The following FCN1 variants were observed in gnomAD, a reference collection of about 807,000 sequenced individuals.
The protein encoded by FCN1 is ficolin 1.
FCN1 carries 42 observed loss-of-function variants against 35.6 expected under a neutral mutation model. That is an observed-to-expected ratio of 1.18 (90% CI 0.92 to 1.53). The LOEUF (loss-of-function observed/expected upper bound fraction) is 1.53. Among genes scored for constraint, FCN1 ranks in the 40% most tolerant of loss-of-function variants. FCN1 has a pLI of 0.00. For missense variants in FCN1, 439 were observed against 428.4 expected, an observed-to-expected ratio of 1.02 and a Z score of -0.22; for synonymous variants, 179 against 169.8, an observed-to-expected ratio of 1.05 and a Z score of -0.42.
rs929538263 is a variant in FCN1, at chr9:134,909,114, T to A, written c.*684A>T. ...CGCGGTCCCCTCTAGCTGAGGTCTG[T>A]GTGTGGGAGGAAGGCCTCTTCGGAA... On this transcript the variant is annotated 3_prime_UTR_variant, in exon 9 of 9. Coordinates refer to ENST00000371806, the MANE Select transcript of FCN1 (RefSeq NM_002003.5). 4.2e-6 allele frequency: 4 copies of A among 941,372 alleles called. No individual in the cohort carries two copies. Among genetic ancestry groups the A allele is most frequent in the Admixed American group, 5.5e-5 (2 of 36,600 alleles). The allele number at this position is 941,372 out of a possible 1,614,324, so 58.3% of individuals were successfully genotyped here.
At chr9:134,914,508 A>G in intron 3 of FCN1, 88 bp from the exon 4 acceptor site, 3 of 1,276,626 alleles carry the variant, frequency 2.3e-6, no homozygotes, top group Non-Finnish European at 3.4e-6. Flanking sequence ...CGGCCTGGAC[A>G]CTGCATCTCC....
At position 134,917,855 on chromosome 9, in the gene FCN1, G is replaced by T; in HGVS notation, c.17C>A (p.Ala6Asp). MELSGATMARGLAVLL... is the reference protein window; with the variant it reads MELSGDTMARGLAVLL... ...GACAGCGAGCCCCCGGGCCATGGTG[G>T]CTCCACTCAGCTCCATGCTCTCTGG... The change falls in exon 1 of 9, where the codon GCC (alanine) becomes GAC (aspartate). Residue 6 changes from alanine (A) to aspartate (D), a missense_variant. Transcript: ENST00000371806. 1 of 1,612,712 alleles carries T rather than the reference G, an allele frequency of 6.2e-7. No individual in the cohort carries two copies. Among genetic ancestry groups the T allele is most frequent in the South Asian group, 1.1e-5 (1 of 91,038 alleles).
chr9:134,908,326 G>A lies in FCN1; in HGVS notation c.*1472C>T, dbSNP rs1312715587. On this transcript the variant is annotated 3_prime_UTR_variant, in exon 9 of 9. Transcript: ENST00000371806. Reference sequence around the variant, plus strand: ...TTTGCAGGAATTCTTTCAGGTATAAGCCTGTGATTTATTTATTTTTGTATA... The same window carrying A: ...TTTGCAGGAATTCTTTCAGGTATAAACCTGTGATTTATTTATTTTTGTATA... 6.6e-6 allele frequency: 1 copy of A among 152,102 alleles called. No individual in the cohort carries two copies. The highest frequency in any genetic ancestry group is 1.5e-5 in the Non-Finnish European group (1 of 68,030). The allele number at this position is 152,102 out of a possible 1,614,324, so 9.4% of individuals were successfully genotyped here.
At chr9:134,915,498 G>A (rs1302747864) in intron 2 of FCN1, among the ~76,000 whole-genome samples, 1 of 152,172 alleles carries the variant, frequency 6.6e-6, no homozygotes, top group Non-Finnish European at 1.5e-5. Context: ...TCCTGCCAGG[G>A]AAGGTCTTCC....
chr9:134,914,801 C>A lies in FCN1; in HGVS notation c.226G>T (p.Gly76Cys), dbSNP rs150223979. Residue 76 changes from glycine to cysteine, a missense_variant, in exon 3 of 9, where the codon GGT becomes TGT. By Grantham distance (159) the Gly-to-Cys change is radical. Transcript: ENST00000371806. ...AGVIGERGER[G>C]LPGAPGKAGP... is the part of the protein sequence containing the mutation. The stretch of plus-strand genomic sequence containing the variant: ...GCCTTTCCAGGGGCTCCAGGGAGAC[C>A]GCGTTCTCCTGAAAATTCCAAAGAC... 1 of 1,611,996 alleles carries A rather than the reference C, an allele frequency of 6.2e-7. No individual in the cohort carries two copies. Among genetic ancestry groups the A allele is most frequent in the African/African-American group, 1.3e-5 (1 of 75,016 alleles).
At chr9:134,916,612 G>T (rs1178945174) in intron 1 of FCN1, 151 bp from the exon 2 acceptor site, 1 of 756,854 alleles carries the variant, frequency 1.3e-6, no homozygotes. Flanking sequence ...GGCTTTGGAG[G>T]CCACCCCGAC....
chr9:134,909,699 G>A lies in FCN1; in HGVS notation c.*99C>T, dbSNP rs754066535. On this transcript the variant is annotated 3_prime_UTR_variant, in exon 9 of 9. Coordinates refer to ENST00000371806, the MANE Select transcript of FCN1 (RefSeq NM_002003.5). ...AAAGGGGCAGCTGTGGGCGTCATGGGAGTGTGTCTGGCTGGGGAAATGGGG... is the reference window on the plus strand; with the variant it reads ...AAAGGGGCAGCTGTGGGCGTCATGGAAGTGTGTCTGGCTGGGGAAATGGGG... 6.3e-7 allele frequency: 1 copy of A among 1,596,340 alleles called. No homozygotes were observed.
Position 134,909,369 on chromosome 9 carries a change from G to A in FCN1, c.*429C>T, listed in dbSNP as rs201446806. 1.6e-6 allele frequency: 2 copies of A among 1,289,782 alleles called. No individual in the cohort carries two copies. The highest frequency in any genetic ancestry group is 3.0e-5 in the African/African-American group (2 of 65,800). The allele number at this position is 1,289,782 out of a possible 1,614,324, so 79.9% of individuals were successfully genotyped here. On this transcript the variant is annotated 3_prime_UTR_variant, in exon 9 of 9. Coordinates refer to ENST00000371806, the MANE Select transcript of FCN1 (RefSeq NM_002003.5). The stretch of plus-strand genomic sequence containing the variant: ...CATGGGGGGATGGGGGAGGCTTGGG[G>A]GTGGAGGTGAGGATCGCCCTGTGTC...
Position 134,904,442 on chromosome 9 carries a change from A to T in FCN1, c.*5356T>A, listed in dbSNP as rs1344961869. ...TGAGGCAAAATAAAGATGTTTTCAG[A>T]TAATAAAAGTGGACAGAATTCATCC... On this transcript the variant is annotated 3_prime_UTR_variant, in exon 9 of 9. Coordinates refer to ENST00000371806, the MANE Select transcript of FCN1 (RefSeq NM_002003.5). Among the ~76,000 whole-genome samples, 2 of 152,168 alleles carry T rather than the reference A, an allele frequency of 1.3e-5. No individual in the cohort carries two copies. The highest frequency in any genetic ancestry group is 1.3e-4 in the Admixed American group (2 of 15,272).
intron 2 of FCN1, 29 bp downstream of exon 2, chr9:134,916,319 C>T (rs1160285839): frequency 6.5e-7 from 1 of 1,544,112 alleles, no homozygotes; most frequent in Non-Finnish European, 9.0e-7. Flanking sequence ...CCCTGCCATG[C>T]CTGGCCTCCC....
In FCN1 at chr9:134,906,926, G is replaced by A. The variant is rs1830962919; in HGVS notation, c.*2872C>T. ...TCTCTACTAAAAATACAAAAAAATT[G>A]CTGGGCATGGTTGTGTGTGCCTGTG... On this transcript the variant is annotated 3_prime_UTR_variant, in exon 9 of 9. Coordinates refer to ENST00000371806, the MANE Select transcript of FCN1 (RefSeq NM_002003.5). 1 of 152,010 alleles carries A rather than the reference G, an allele frequency of 6.6e-6. No homozygotes were observed. The highest frequency in any genetic ancestry group is 1.5e-5 in the Non-Finnish European group (1 of 68,012). 9.4% of individuals were successfully genotyped at this position (152,010 alleles called of 1,614,324 possible).
In FCN1 at chr9:134,912,561, A is replaced by T. The variant is rs764689968; in HGVS notation, c.523T>A (p.Tyr175Asn). 3 of 1,614,128 alleles carry T rather than the reference A, an allele frequency of 1.9e-6. No individual in the cohort carries two copies. Among genetic ancestry groups the T allele is most frequent in the Non-Finnish European group, 2.5e-6 (3 of 1,179,994 alleles). The change falls in exon 7 of 9, where the codon TAC (tyrosine) becomes AAC (asparagine). Residue 175 changes from tyrosine (Y) to asparagine (N), a missense_variant. Coordinates refer to ENST00000371806, the MANE Select transcript of FCN1 (RefSeq NM_002003.5). ...SVDFYRDWAAYKQGFGSQLGE... is the reference protein window; with the variant it reads ...SVDFYRDWAANKQGFGSQLGE... ...AGCTGACTGCCGAAGCCCTGCTTGT[A>T]TGCGGCCCAGTCCCGATAGAAGTCC...
intron 2 of FCN1, among the ~76,000 whole-genome samples, chr9:134,915,283 TCA>T (rs201068033): frequency 1.1e-3 from 160 of 152,168 alleles, no homozygotes; most frequent in East Asian, 3.9e-3. Flanking sequence ...TCCTGGGGTG[TCA>T]CACAGCGCTC....
chr9:134,913,010 A>T lies in FCN1; in HGVS notation c.468+6T>A. 6.2e-7 allele frequency: 1 copy of T among 1,609,458 alleles called. No individual in the cohort carries two copies. Among genetic ancestry groups the T allele is most frequent in the Non-Finnish European group, 8.5e-7 (1 of 1,178,098 alleles). On this transcript the variant is annotated splice_donor_region_variant and intron_variant, in intron 6 of 8. Transcript: ENST00000371806. The stretch of plus-strand genomic sequence containing the variant: ...GCTGACCGCCTCTGCCCAGCCCCAC[A>T]CTCACGGTCCAGCCCCCTCCGTCCG...
At chr9:134,915,986 T>A (rs1831087152) in intron 2 of FCN1, among the ~76,000 whole-genome samples, 1 of 152,170 alleles carries the variant, frequency 6.6e-6, no homozygotes, top group South Asian at 2.1e-4. Context: ...TTTTCCCATA[T>A]GAGGCAGGTG....
chr9:134,905,597 C>A lies in FCN1; in HGVS notation c.*4201G>T, dbSNP rs1238507918. 4.6e-5 allele frequency among the ~76,000 whole-genome samples: 7 copies of A among 151,748 alleles called. No individual in the cohort carries two copies. Among genetic ancestry groups the A allele is most frequent in the Admixed American group, 4.6e-4 (7 of 15,250 alleles). On this transcript the variant is annotated 3_prime_UTR_variant, in exon 9 of 9. Coordinates refer to ENST00000371806, the MANE Select transcript of FCN1 (RefSeq NM_002003.5). ...CTCCTGGGTTCACGCCATTCTCCTG[C>A]CTCAGCTTCTCGAGTAGCTGGGACG...
Position 134,913,564 on chromosome 9 carries a change from AG to A in FCN1, c.340+16del. The A allele has an allele frequency of 5.6e-6, 9 of 1,601,524 alleles. No individual in the cohort carries two copies. The highest frequency in any genetic ancestry group is 7.7e-6 in the Non-Finnish European group (9 of 1,172,538). On this transcript the variant is annotated intron_variant, in intron 5 of 8. Coordinates refer to ENST00000371806, the MANE Select transcript of FCN1 (RefSeq NM_002003.5). ...GGGGCAAGGCTTGGGTACCGAGGTC[AG>A]GGTGTGATCAGTCACCTGTCGCACA... is the stretch of plus-strand genomic sequence containing the variant.
chr9:134,913,691 G>C, intron 4 of FCN1, 78 bp from the exon 5 acceptor site: 1 of 1,137,456 alleles, frequency 8.8e-7, no homozygotes, highest in Non-Finnish European at 1.3e-6. Context: ...GGCTCCCTGA[G>C]CACAGAATAG....
In FCN1 at chr9:134,913,800, T is replaced by C. The variant is rs190165396; in HGVS notation, c.308-187A>G. Among the ~76,000 whole-genome samples, 396 of 152,360 alleles carry C rather than the reference T, an allele frequency of 2.6e-3. 4 individuals are homozygous for C. In the South Asian group the frequency reaches 0.029, roughly 11 times the overall value. ...GACTTCCCCAGAGGCACCAGCCACA[T>C]GGTTGTCCATAGGCCCCTGCTGTGC... is the stretch of plus-strand genomic sequence containing the variant. On this transcript the variant is annotated intron_variant, in intron 4 of 8. Coordinates refer to ENST00000371806, the MANE Select transcript of FCN1 (RefSeq NM_002003.5).
Sources: gnomAD v4.1 joint callset for allele counts (sites outside exome capture counted in the v4.1 genomes callset) on GRCh38, gnomAD v4.1.1 for gene constraint, MANE v1.5 for transcripts, NCBI Gene and HGNC (gene_info 2026-07-23, HGNC 2026-07-21) for gene names.